Variants in LY6H observed in about 807,000 individuals in gnomAD.
LY6H encodes lymphocyte antigen 6H.
LY6H carries 8 observed loss-of-function variants against 14.6 expected under a neutral mutation model. The observed-to-expected ratio is 0.55, with a 90% CI of 0.32 to 0.99. The LOEUF (loss-of-function observed/expected upper bound fraction) is 0.99, where lower values mean the gene tolerates loss of function less well. Among genes scored for constraint, LY6H ranks in the 50% least tolerant of loss-of-function variants. LY6H has a pLI of 0.04. For synonymous variants in LY6H, 115 were observed against 97.2 expected (o/e 1.18, Z -1.08); for missense variants, 196 against 219.6 (o/e 0.89, Z 0.68).
At chr8:143,159,925 C>G (rs891876552) in intron 1 of LY6H, 1 of 1,227,188 alleles carries the variant, frequency 8.1e-7, no homozygotes, top group African/African-American at 1.6e-5. Flanking sequence ...GCCTCCGCCC[C>G]GCGCCGGCAC....
rs1478551582 is a variant in LY6H, at chr8:143,159,583, G to A, written c.129C>T (p.Pro43=). The change falls in exon 2 of 4, where the codon CCC becomes CCT. Residue 43 remains proline, a splice_region_variant and synonymous_variant. Transcript: ENST00000342752. ...CCAGCCCGCGGGCCCCCTACTCACC[G>A]GGCGCCGAGCACAGCAGGACGGCCA... is the stretch of plus-strand genomic sequence containing the variant. ...ALLAVLLCSA[P]AHGLWCQDCT... The A allele has an allele frequency of 3.3e-6, 5 of 1,500,884 alleles. No individual in the cohort carries two copies. Among genetic ancestry groups the A allele is most frequent in the South Asian group, 1.2e-5 (1 of 81,332 alleles). 93.0% of individuals were successfully genotyped at this position (1,500,884 alleles called of 1,614,324 possible). A position where few individuals can be genotyped will look rare whatever the true frequency, so the allele number is the denominator to read the frequency against.
At chr8:143,160,350 G>A (rs1222437650), upstream of LY6H, 1 of 493,160 alleles carries the variant, frequency 2.0e-6, no homozygotes, top group Admixed American at 5.1e-5. Context: ...GCGGGGCGGA[G>A]CCGGGGCGGG....
rs1471327463 is a variant in LY6H, at chr8:143,160,229, CG to C, written c.-31del. On this transcript the variant is annotated 5_prime_UTR_variant, in exon 1 of 4. Transcript: ENST00000342752. ...GGGGTGTCCGCACTCCGGGCTCGGG[CG>C]GCGTGCGCGGCGCGGGGAGCTGTGC... 1 of 1,278,476 alleles carries C rather than the reference CG, an allele frequency of 7.8e-7. No homozygotes were observed. Among genetic ancestry groups the C allele is most frequent in the Admixed American group, 3.2e-5 (1 of 31,646 alleles). The allele number at this position is 1,278,476 out of a possible 1,614,324, so 79.2% of individuals were successfully genotyped here. A position where few individuals can be genotyped will look rare whatever the true frequency, so the allele number is the denominator to read the frequency against.
rs542448192 is a variant in LY6H at position 143,160,210 on chromosome 8, T to C, written c.-11A>G. The C allele has an allele frequency of 7.8e-7, 1 of 1,283,374 alleles. No individual in the cohort carries two copies. The highest frequency in any genetic ancestry group is 9.9e-7 in the Non-Finnish European group (1 of 1,014,594). 79.5% of individuals were successfully genotyped at this position (1,283,374 alleles called of 1,614,324 possible). A position where few individuals can be genotyped will look rare whatever the true frequency, so the allele number is the denominator to read the frequency against. On this transcript the variant is annotated 5_prime_UTR_variant, in exon 1 of 4. Coordinates refer to ENST00000342752, the MANE Select transcript of LY6H (RefSeq NM_001135655.2). ...GGGGCTCACTCACATCCCGGGGGTG[T>C]CCGCACTCCGGGCTCGGGCGGCGTG...
rs372721320 is a variant in LY6H at position 143,158,944 on chromosome 8, G to C, written c.131-22C>G. The C allele has an allele frequency of 1.9e-6, 3 of 1,611,920 alleles. No homozygotes were observed. In the African/African-American group the frequency reaches 4.0e-5, roughly 22 times the overall value. ...TGAGCTGGGCAGGGCATGGGGAGGA[G>C]GGTGACCAGAGGCACTGGGGTCCAA... is the stretch of plus-strand genomic sequence containing the variant. On this transcript the variant is annotated intron_variant, in intron 2 of 3. Coordinates refer to ENST00000342752, the MANE Select transcript of LY6H (RefSeq NM_001135655.2).
intron 1 of LY6H, 171 bp from the exon 2 acceptor site, chr8:143,159,880 C>A: frequency 8.8e-7 from 1 of 1,138,400 alleles, no homozygotes; most frequent in South Asian, 3.2e-5. Flanking sequence ...CGCCGGGAGA[C>A]GTCTGGCCTC....
chr8:143,159,520 C>T, intron 2 of LY6H, 62 bp downstream of exon 2: 2 of 1,432,340 alleles, frequency 1.4e-6, no homozygotes, highest in South Asian at 1.4e-5. Flanking sequence ...CCACACCCGG[C>T]TCTCCCGCGG....
At position 143,159,693 on chromosome 8, in the gene LY6H, TC is replaced by T; in HGVS notation, c.18del (p.Thr7ProfsTer21). ...GCGGCGCGGGGGCTTGGGGCGCGGG[TC>T]CTCTGGGGCGCAAGCCTGGAGGGGA... MLAPQ[R>X]TRAPSPRAAP... On this transcript the variant is annotated frameshift_variant, in exon 2 of 4. Coordinates refer to ENST00000342752, the MANE Select transcript of LY6H (RefSeq NM_001135655.2). LOFTEE classifies it high-confidence loss of function. The T allele has an allele frequency of 1.4e-6, 2 of 1,379,832 alleles. No homozygotes were observed. Among genetic ancestry groups the T allele is most frequent in the Non-Finnish European group, 1.9e-6 (2 of 1,076,252 alleles). 85.5% of individuals were successfully genotyped at this position (1,379,832 alleles called of 1,614,324 possible).
At position 143,158,301 on chromosome 8, in the gene LY6H, G is replaced by A. The variant is rs747837006; in HGVS notation, c.435C>T (p.Ala145=). The part of the protein sequence containing the change: ...AGAGHSPWAL[A]GGLLLSLGPA... ...GCCCCAGGCTGAGCAGGAGCCCCCC[G>A]GCCAGGGCCCAGGGGCTGTGCCCTG... Residue 145 remains alanine, a synonymous_variant, in exon 4 of 4, where the codon GCC becomes GCT. Transcript: ENST00000342752. 10 of 1,613,288 alleles carry A rather than the reference G, an allele frequency of 6.2e-6. No individual in the cohort carries two copies. In the African/African-American group the frequency reaches 8.0e-5, roughly 13 times the overall value.
intron 1 of LY6H, 39 bp downstream of exon 1, chr8:143,160,159 G>A: frequency 7.9e-7 from 1 of 1,273,234 alleles, no homozygotes; most frequent in Non-Finnish European, 9.9e-7. Context: ...CGCGGATGGG[G>A]CGTGGAGCGC....
Position 143,158,021 on chromosome 8 carries a change from C to G in LY6H, c.*229G>C, listed in dbSNP as rs1815489446. On this transcript the variant is annotated 3_prime_UTR_variant, in exon 4 of 4. Transcript: ENST00000342752. Reference sequence around the variant, plus strand: ...TGGGGGTCCCCCCCCACCCTCATCCCCAGGCCTCCTGCCCAGATGGCCTGG... The same window carrying G: ...TGGGGGTCCCCCCCCACCCTCATCCGCAGGCCTCCTGCCCAGATGGCCTGG... 6 of 526,268 alleles carry G rather than the reference C, an allele frequency of 1.1e-5. No homozygotes were observed. In the East Asian group the frequency reaches 1.9e-4, roughly 16 times the overall value. The allele number at this position is 526,268 out of a possible 1,614,324, so 32.6% of individuals were successfully genotyped here.
At chr8:143,159,038 C>G in intron 2 of LY6H, 116 bp from the exon 3 acceptor site, 4 of 1,409,334 alleles carry the variant, frequency 2.8e-6, no homozygotes, top group Non-Finnish European at 3.9e-6. Flanking sequence ...CCCGACCCCA[C>G]GGGAGGGAGC....
chr8:143,159,495 C>T (rs1815539983), intron 2 of LY6H, 87 bp downstream of exon 2: 3 of 1,383,256 alleles, frequency 2.2e-6, no homozygotes, highest in African/African-American at 1.5e-5. Context: ...TGGGAACCGT[C>T]AGAGGGTGGC....
chr8:143,159,959 G>A (rs1209785415), intron 1 of LY6H: 27 of 1,238,282 alleles, frequency 2.2e-5, no homozygotes, highest in Non-Finnish European at 2.5e-5. Flanking sequence ...CGGATGGGGG[G>A]CGTCCTCTTC....
chr8:143,160,236 C>A lies in LY6H; in HGVS notation c.-37G>T. Reference sequence around the variant, plus strand: ...CCGCACTCCGGGCTCGGGCGGCGTGCGCGGCGCGGGGAGCTGTGCCCTTCG... The same window carrying A: ...CCGCACTCCGGGCTCGGGCGGCGTGAGCGGCGCGGGGAGCTGTGCCCTTCG... On this transcript the variant is annotated 5_prime_UTR_variant, in exon 1 of 4. Coordinates refer to ENST00000342752, the MANE Select transcript of LY6H (RefSeq NM_001135655.2). 1 of 1,276,764 alleles carries A rather than the reference C, an allele frequency of 7.8e-7. No individual in the cohort carries two copies. The highest frequency in any genetic ancestry group is 9.9e-7 in the Non-Finnish European group (1 of 1,010,858). The allele number at this position is 1,276,764 out of a possible 1,614,324, so 79.1% of individuals were successfully genotyped here.
chr8:143,160,069 C>T, intron 1 of LY6H, 129 bp downstream of exon 1: 2 of 907,464 alleles, frequency 2.2e-6, no homozygotes, highest in South Asian at 1.1e-4. Context: ...CAGGTCCCCA[C>T]CCCCACCCCT....
chr8:143,159,253 A>G (rs1815533012), intron 2 of LY6H: 4 of 535,534 alleles, frequency 7.5e-6, no homozygotes, highest in Non-Finnish European at 1.3e-5. Flanking sequence ...TATCCCCCCC[A>G]GAGGTCCGTG....
chr8:143,158,517 G>C, intron 3 of LY6H, 32 bp from the exon 4 acceptor site: 1 of 1,554,770 alleles, frequency 6.4e-7, no homozygotes, highest in Admixed American at 1.7e-5. Context: ...TGGGACGGGG[G>C]CTCCTCCTGG....
At chr8:143,159,488 G>C (rs189929082) in intron 2 of LY6H, 94 bp downstream of exon 2, 13,910 of 1,360,066 alleles carry the variant, frequency 0.01, 99 homozygotes, top group Middle Eastern at 0.019. Flanking sequence ...AGTGCGGTGG[G>C]AACCGTCAGA....
Sources: gnomAD v4.1 joint callset for allele counts on GRCh38, gnomAD v4.1.1 for gene constraint, MANE v1.5 for transcripts, NCBI Gene and HGNC (gene_info 2026-07-23, HGNC 2026-07-21) for gene names.